The following ZMAT1 variants were observed in gnomAD, a reference collection of about 807,000 sequenced individuals.
ZMAT1 encodes the protein zinc finger matrin-type protein 1.
In ZMAT1, 11 loss-of-function variants were observed where a neutral mutation model predicts 18.5. That is an observed-to-expected ratio of 0.59 (90% CI 0.37 to 0.98). The LOEUF is 0.98. Among genes scored for constraint, ZMAT1 ranks in the 50% least tolerant of loss-of-function variants. ZMAT1 has a pLI of 0.01. For missense variants in ZMAT1, 525 were observed against 496.2 expected (o/e 1.06, Z -0.55); for synonymous variants, 211 against 176.4 (o/e 1.20, Z -1.55).
In ZMAT1 at chrX:101,883,949, G is replaced by A; in HGVS notation, c.1649C>T (p.Pro550Leu). 1.7e-6 allele frequency: 2 copies of A among 1,210,335 alleles called. No homozygotes were observed. Among genetic ancestry groups the A allele is most frequent in the African/African-American group, 1.7e-5 (1 of 57,578 alleles). Residue 550 changes from proline (P) to leucine (L), a missense_variant, in exon 6 of 6, where the codon CCA becomes CTA. Pro to Leu is a moderately conservative substitution (Grantham distance 98). Transcript: ENST00000651725. ...SYCQLTRDCFPEKPVPLSLNQ... is the reference protein window; with the variant it reads ...SYCQLTRDCFLEKPVPLSLNQ... ...AAGGCTCAAGGGTACTGGTTTTTCT[G>A]GGAAACAGTCTCTGGTGAGTTGACA...
chrX:101,915,134 T>A (rs1430575698), intron 1 of ZMAT1, among the ~76,000 whole-genome samples: 1 of 111,736 alleles, frequency 8.9e-6, no homozygotes, highest in Non-Finnish European at 1.9e-5. Context: ...TAATTCAACA[T>A]TCCTTTGTGA....
At chrX:101,927,957 CCT>C (rs1219420551) in intron 1 of ZMAT1, among the ~76,000 whole-genome samples, 1 of 111,943 alleles carries the variant, frequency 8.9e-6, no homozygotes, top group South Asian at 3.7e-4. Flanking sequence ...TAATAATTTA[CCT>C]CTCTCCAGAT....
chrX:101,882,589 C>A lies in ZMAT1; in HGVS notation c.*921G>T, dbSNP rs1003513534. On this transcript the variant is annotated 3_prime_UTR_variant, in exon 6 of 6. Coordinates refer to ENST00000651725, the MANE Select transcript of ZMAT1 (RefSeq NM_001394560.1). Reference sequence around the variant, plus strand: ...ACCAAGGAAAGAACTGATTTTGTAACGCTTGGTAATTCTGTCCTTTAAAAT... The same window carrying A: ...ACCAAGGAAAGAACTGATTTTGTAAAGCTTGGTAATTCTGTCCTTTAAAAT... 2 of 111,552 alleles carry A rather than the reference C, an allele frequency of 1.8e-5. No individual in the cohort carries two copies. The highest frequency in any genetic ancestry group is 3.8e-5 in the Non-Finnish European group (2 of 52,860). The allele number at this position is 111,552 out of a possible 1,213,427, so 9.2% of individuals were successfully genotyped here.
chrX:101,897,722 C>A, intron 4 of ZMAT1, 146 bp downstream of exon 4: 1 of 484,434 alleles, frequency 2.1e-6, no homozygotes, highest in Non-Finnish European at 3.3e-6. Context: ...CAAAGACAGA[C>A]ACAGAGATTA....
Position 101,884,521 on chromosome X carries a change from G to A in ZMAT1, c.1077C>T (p.Asp359=). 1 of 1,211,296 alleles carries A rather than the reference G, an allele frequency of 8.3e-7. No homozygotes were observed. Among genetic ancestry groups the A allele is most frequent in the Non-Finnish European group, 1.1e-6 (1 of 895,189 alleles). ...KQLPHSKKTY[D]SFQDELEDYI... ...AATCTTCAAGTTCATCTTGGAAAGA[G>A]TCATATGTCTTCTTTGAATGAGGTA... is the stretch of plus-strand genomic sequence containing the variant. Residue 359 remains aspartate, a synonymous_variant, in exon 6 of 6, where the codon GAC becomes GAT. Coordinates refer to ENST00000651725, the MANE Select transcript of ZMAT1 (RefSeq NM_001394560.1).
intron 1 of ZMAT1, among the ~76,000 whole-genome samples, chrX:101,917,294 A>C (rs1277049992): frequency 8.9e-6 from 1 of 112,263 alleles, no homozygotes; most frequent in African/African-American, 3.2e-5. Context: ...CCATCTGATA[A>C]AAGATTAGTA....
At chrX:101,929,456 T>TATACAC (rs1161232053) in intron 1 of ZMAT1, among the ~76,000 whole-genome samples, 13 of 85,493 alleles carry the variant, frequency 1.5e-4, no homozygotes, top group African/African-American at 4.2e-4. Context: ...TATATATATA[T>TATACAC]ACACACAGAG....
At position 101,882,949 on chromosome X, in the gene ZMAT1, G is replaced by A. The variant is rs1346877146; in HGVS notation, c.*561C>T. On this transcript the variant is annotated 3_prime_UTR_variant, in exon 6 of 6. Coordinates refer to ENST00000651725, the MANE Select transcript of ZMAT1 (RefSeq NM_001394560.1). ...TAGAGTAGACTCATCCCAAATCACT[G>A]TCTCTTCTGTCTTTTCTTGAGTAGG... 2 of 110,439 alleles carry A rather than the reference G, an allele frequency of 1.8e-5. No homozygotes were observed. The highest frequency in any genetic ancestry group is 6.6e-5 in the African/African-American group (2 of 30,481). 9.1% of individuals were successfully genotyped at this position (110,439 alleles called of 1,213,427 possible).
In ZMAT1 at chrX:101,931,885, C is replaced by T; in HGVS notation, c.124G>A (p.Ala42Thr). Residue 42 changes from alanine (A) to threonine (T), a missense_variant, in exon 1 of 6, where the codon GCG (alanine) becomes ACG (threonine). Coordinates refer to ENST00000651725, the MANE Select transcript of ZMAT1 (RefSeq NM_001394560.1). ...ACAAAAAAAAAAAVIVPASSA... is the reference protein window; with the variant it reads ...ACAAAAAAAATAAVIVPASSA... ...GAGGCAGGAACAATTACTGCCGCCG[C>T]CGCCGCCGCCGCCGCCGCTGCCGCG... 1 of 796,124 alleles carries T rather than the reference C, an allele frequency of 1.3e-6. No homozygotes were observed. Among genetic ancestry groups the T allele is most frequent in the Non-Finnish European group, 1.5e-6 (1 of 669,581 alleles). The allele number at this position is 796,124 out of a possible 1,213,427, so 65.6% of individuals were successfully genotyped here. A position where few individuals can be genotyped will look rare whatever the true frequency, so the allele number is the denominator to read the frequency against.
chrX:101,927,842 A>G (rs1436340992), intron 1 of ZMAT1, among the ~76,000 whole-genome samples: 1 of 112,342 alleles, frequency 8.9e-6, no homozygotes, highest in African/African-American at 3.2e-5. Context: ...CCTAACTGAT[A>G]TGTAATAAAT....
intron 1 of ZMAT1, among the ~76,000 whole-genome samples, chrX:101,909,996 G>A (rs1481876064): frequency 3.6e-5 from 4 of 112,565 alleles, no homozygotes. Flanking sequence ...GGCTTCAGGT[G>A]TGACCCAGCA....
At chrX:101,892,630 T>A (rs1927496983) in intron 4 of ZMAT1, 1 of 343,636 alleles carries the variant, frequency 2.9e-6, no homozygotes, top group African/African-American at 2.8e-5. Context: ...AGGTGAGGCA[T>A]CTGAGTGCAA....
In ZMAT1 at chrX:101,926,083, C is replaced by G. The variant is rs1042481385; in HGVS notation, c.292+5634G>C. Among the ~76,000 whole-genome samples, 3 of 112,072 alleles carry G rather than the reference C, an allele frequency of 2.7e-5. No homozygotes were observed. The Admixed American group carries it at 2.8e-4, about 11-fold the overall frequency. ...GGGAGGTAAACTGTAAAACATGATT[C>G]TAGACTCAGGTGGATTTGGTCTATC... On this transcript the variant is annotated intron_variant, in intron 1 of 5. Coordinates refer to ENST00000651725, the MANE Select transcript of ZMAT1 (RefSeq NM_001394560.1).
chrX:101,894,530 T>C (rs756061601), intron 4 of ZMAT1: 72 of 656,224 alleles, frequency 1.1e-4, no homozygotes, highest in East Asian at 1.6e-4. Flanking sequence ...TAGCTGCCAT[T>C]TGGATATGTG....
chrX:101,923,977 T>C (rs770766886), intron 1 of ZMAT1, among the ~76,000 whole-genome samples: 1 of 112,343 alleles, frequency 8.9e-6, no homozygotes, highest in South Asian at 3.7e-4. Context: ...GTATGGTAAA[T>C]ACTTCCTGGT....
intron 1 of ZMAT1, among the ~76,000 whole-genome samples, chrX:101,930,952 C>G (rs924164191): frequency 8.9e-5 from 10 of 111,797 alleles, no homozygotes; most frequent in African/African-American, 3.3e-4. Flanking sequence ...CTTATTAAAG[C>G]CAAACCACCT....
intron 1 of ZMAT1, among the ~76,000 whole-genome samples, chrX:101,906,023 G>C (rs1331362991): frequency 1.1e-4 from 12 of 111,157 alleles, no homozygotes; most frequent in Non-Finnish European, 2.1e-4. Context: ...GCCCAGCATA[G>C]AGTGGAGAGA....
intron 1 of ZMAT1, among the ~76,000 whole-genome samples, chrX:101,928,404 C>T (rs1419867143): frequency 8.9e-6 from 1 of 112,227 alleles, no homozygotes; most frequent in Non-Finnish European, 1.9e-5. Flanking sequence ...GTTGCCCAGA[C>T]TGGAGTGCAG....
chrX:101,921,934 G>T (rs73524761), intron 1 of ZMAT1, among the ~76,000 whole-genome samples: 2,817 of 111,209 alleles, frequency 0.025, 68 homozygotes, highest in African/African-American at 0.076. Context: ...GATTAAATAC[G>T]TGGTTCTTTT....
Sources: allele counts gnomAD v4.1 joint callset (sites outside exome capture counted in the v4.1 genomes callset), GRCh38; gene constraint gnomAD v4.1.1; transcripts MANE v1.5; gene names NCBI Gene and HGNC (gene_info 2026-07-23, HGNC 2026-07-21).